Variants in KLHL2 observed in about 807,000 individuals in gnomAD.
The protein encoded by KLHL2 is kelch-like protein 2.
Under a neutral mutation model 75.8 loss-of-function variants are expected in KLHL2, and 15 were observed. The observed-to-expected ratio is 0.20, with a 90% confidence interval of 0.13 to 0.30. The LOEUF (loss-of-function observed/expected upper bound fraction) is 0.30. KLHL2 is among the 10% of genes least tolerant of loss of function. KLHL2 has a pLI of 1.00. For missense variants in KLHL2, 381 were observed against 741.0 expected, an observed-to-expected ratio of 0.51 and a Z score of 5.64; for synonymous variants, 214 against 251.9, an observed-to-expected ratio of 0.85 and a Z score of 1.42.
rs1579007278 is a variant in KLHL2 at position 165,234,656 on chromosome 4, C to G, written c.260-4122C>G. Among the ~76,000 whole-genome samples the G allele has an allele frequency of 1.4e-5, 2 of 138,346 alleles. 1 individual carries two copies. The highest frequency in any genetic ancestry group is 4.7e-4 in the South Asian group (2 of 4,288). The allele number at this position is 138,346 out of a possible 152,430, so 90.8% of individuals were successfully genotyped here. A position where few individuals can be genotyped will look rare whatever the true frequency, so the allele number is the denominator to read the frequency against. ...TTTTGAGATGGAGTCTCGCTCTGTA[C>G]CAGGCTGGAGTGCAGTGGCATGATC... On this transcript the variant is annotated intron_variant, in intron 3 of 14. Transcript: ENST00000226725.
intron 5 of KLHL2, among the ~76,000 whole-genome samples, chr4:165,269,550 T>G (rs1742512485): frequency 6.6e-6 from 1 of 151,726 alleles, no homozygotes; most frequent in Non-Finnish European, 1.5e-5. Context: ...CTGTAAAGGA[T>G]TTTATTTCTC....
intron 4 of KLHL2, among the ~76,000 whole-genome samples, chr4:165,243,617 A>G (rs1181259589): frequency 2.0e-5 from 3 of 152,286 alleles, no homozygotes. Context: ...AATTATTGGT[A>G]ATAAACAGAC....
intron 1 of KLHL2, among the ~76,000 whole-genome samples, chr4:165,213,487 T>C (rs1737339401): frequency 6.6e-6 from 1 of 152,248 alleles, no homozygotes. Context: ...TTACAACAAC[T>C]TGAAGTTCCT....
At chr4:165,288,096 TC>T (rs1356324345) in intron 5 of KLHL2, among the ~76,000 whole-genome samples, 2 of 152,178 alleles carry the variant, frequency 1.3e-5, no homozygotes, top group Non-Finnish European at 2.9e-5. Flanking sequence ...CACGAAACTT[TC>T]CCCCCTGTGT....
intron 5 of KLHL2, among the ~76,000 whole-genome samples, chr4:165,272,704 A>G (rs1385297726): frequency 1.3e-5 from 2 of 151,568 alleles, no homozygotes; most frequent in African/African-American, 4.8e-5. Flanking sequence ...ATCAGAAGCA[A>G]CTCATTTACT....
chr4:165,257,938 C>G (rs1317837710), intron 4 of KLHL2, among the ~76,000 whole-genome samples: 1 of 151,772 alleles, frequency 6.6e-6, no homozygotes, highest in African/African-American at 2.4e-5. Context: ...TTAGTAGTGA[C>G]TTGAAAGGGA....
At chr4:165,231,870 A>G (rs1738921704) in intron 3 of KLHL2, among the ~76,000 whole-genome samples, 1 of 152,202 alleles carries the variant, frequency 6.6e-6, no homozygotes, top group Non-Finnish European at 1.5e-5. Flanking sequence ...TTACATTCCT[A>G]CTAGCAATGT....
intron 5 of KLHL2, among the ~76,000 whole-genome samples, chr4:165,294,053 A>G (rs904643374): frequency 6.6e-6 from 1 of 152,214 alleles, no homozygotes; most frequent in Non-Finnish European, 1.5e-5. Context: ...CATATAAGGA[A>G]TAGATTTTTT....
intron 2 of KLHL2, among the ~76,000 whole-genome samples, chr4:165,222,245 A>G (rs1738055934): frequency 2.0e-5 from 3 of 152,294 alleles, no homozygotes; most frequent in Middle Eastern, 3.4e-3. Flanking sequence ...AGAGGAATGG[A>G]CAGGATGGTG....
chr4:165,243,698 G>A (rs1460790225), intron 4 of KLHL2, among the ~76,000 whole-genome samples: 1 of 152,182 alleles, frequency 6.6e-6, no homozygotes, highest in Non-Finnish European at 1.5e-5. Flanking sequence ...GTGGTATAGG[G>A]CAGGTTGTTG....
intron 4 of KLHL2, among the ~76,000 whole-genome samples, chr4:165,240,874 T>C (rs944345307): frequency 5.9e-5 from 9 of 152,212 alleles, no homozygotes; most frequent in African/African-American, 2.2e-4. Context: ...TTGTTTGTAG[T>C]AGTTCTTGTG....
chr4:165,231,500 G>A (rs530620910), intron 3 of KLHL2, among the ~76,000 whole-genome samples: 47 of 152,186 alleles, frequency 3.1e-4, no homozygotes, highest in African/African-American at 1.1e-3. Flanking sequence ...TTACTGAGTC[G>A]TACTGCCATC....
chr4:165,291,540 A>G (rs1206512710), intron 5 of KLHL2, among the ~76,000 whole-genome samples: 1 of 152,182 alleles, frequency 6.6e-6, no homozygotes, highest in African/African-American at 2.4e-5. Context: ...ACTGTTTTGC[A>G]TATGGATGTT....
At chr4:165,309,578 G>T (rs1283987532) in intron 9 of KLHL2, among the ~76,000 whole-genome samples, 2 of 152,140 alleles carry the variant, frequency 1.3e-5, no homozygotes, top group Non-Finnish European at 2.9e-5. Context: ...CTGCTATAGT[G>T]CAAAACCAGC....
intron 5 of KLHL2, among the ~76,000 whole-genome samples, chr4:165,267,206 T>A (rs1023544247): frequency 3.3e-5 from 5 of 152,234 alleles, no homozygotes; most frequent in African/African-American, 9.6e-5. Flanking sequence ...CTTAAGGATA[T>A]TTTGGGCTGA....
intron 5 of KLHL2, among the ~76,000 whole-genome samples, chr4:165,291,145 C>T (rs1744474372): frequency 6.6e-6 from 1 of 152,022 alleles, no homozygotes; most frequent in African/African-American, 2.4e-5. Flanking sequence ...GTGAAGTGTC[C>T]ATTTAGATCT....
At chr4:165,265,979 C>T (rs1302999248) in intron 5 of KLHL2, among the ~76,000 whole-genome samples, 2 of 152,138 alleles carry the variant, frequency 1.3e-5, no homozygotes, top group Admixed American at 1.3e-4. Context: ...CTATCCAGCA[C>T]CTGTTGTTTT....
At chr4:165,263,569 C>T (rs1741878325) in intron 5 of KLHL2, among the ~76,000 whole-genome samples, 1 of 151,518 alleles carries the variant, frequency 6.6e-6, no homozygotes, top group African/African-American at 2.4e-5. Context: ...TGGGATTGGG[C>T]CTGAATAATA....
intron 14 of KLHL2, chr4:165,321,381 T>TGA (rs1334672860): frequency 2.3e-6 from 1 of 443,928 alleles, no homozygotes; most frequent in African/African-American, 2.0e-5. Flanking sequence ...GAATAGTAAA[T>TGA]ATAGTTCCTC....
Sources: gnomAD v4.1 joint callset for allele counts (sites outside exome capture counted in the v4.1 genomes callset) on GRCh38, gnomAD v4.1.1 for gene constraint, MANE v1.5 for transcripts, NCBI Gene and HGNC (gene_info 2026-07-23, HGNC 2026-07-21) for gene names.